Variants in TTN observed in about 807,000 individuals in gnomAD.
TTN encodes the protein titin, also known as connectin.
Under a neutral mutation model 3,223.0 loss-of-function variants are expected in TTN, and 1,525 were observed. That is an observed-to-expected ratio of 0.47 (90% CI 0.45 to 0.49). The LOEUF (loss-of-function observed/expected upper bound fraction) is 0.49. TTN is among the 20% of genes least tolerant of loss of function. The probability of loss-of-function intolerance (pLI) is 0.00; values close to 1 mark genes in which losing one functional copy is unlikely to be tolerated. For synonymous variants in TTN, 14,094 were observed against 15,161.0 expected (o/e 0.93, Z 5.17); for missense variants, 40,786 against 43,424.0 (o/e 0.94, Z 5.40).
At chr2:178,797,941 G>T (rs952197203) in intron 6 of TTN, among the ~76,000 whole-genome samples, 1 of 151,812 alleles carries the variant, frequency 6.6e-6, no homozygotes, top group African/African-American at 2.4e-5. Flanking sequence ...AGAGGCAGAG[G>T]TTTATGTTTG....
At chr2:178,767,215 A>G (rs2090613526) in intron 40 of TTN, among the ~76,000 whole-genome samples, 1 of 152,190 alleles carries the variant, frequency 6.6e-6, no homozygotes, top group African/African-American at 2.4e-5. Context: ...CCTCCATTAT[A>G]TCATTTGGGA....
At position 178,650,182 on chromosome 2, in the gene TTN, C is replaced by G. The variant is rs1319210094; in HGVS notation, c.39799G>C (p.Glu13267Gln). 6.3e-7 allele frequency: 1 copy of G among 1,586,146 alleles called. No individual in the cohort carries two copies. The highest frequency in any genetic ancestry group is 8.6e-7 in the Non-Finnish European group (1 of 1,164,574). ...TTTGTACCTGCTGGAGGTGGAACCT[C>G]TGGTTCCTCCTCTTCTGCAACAGGA... The part of the protein sequence containing the change: ...PVPVAEEEEP[E>Q]VPPPAVPEEP... The change falls in exon 210 of 363, where the codon GAG (glutamate) becomes CAG (glutamine). Residue 13267 changes from glutamate to glutamine, a missense_variant. Glu to Gln is a conservative substitution (Grantham distance 29). Transcript: ENST00000589042.
In TTN at chr2:178,533,907, G is replaced by T; in HGVS notation, c.102708C>A (p.Tyr34236Ter). Residue 34236 changes from tyrosine to a stop codon, truncating the protein, a stop_gained, in exon 358 of 363, where the codon TAC becomes TAA. Transcript: ENST00000589042. LOFTEE classifies it high-confidence loss of function. ...VKGVREVYDY[Y>*]CRRTMKKIKR... ...TAATTTTCTTCATGGTTCTACGGCA[G>T]TAATAGTCATAGACTTCTCTCACAC... 1 of 1,613,822 alleles carries T rather than the reference G, an allele frequency of 6.2e-7. No homozygotes were observed. Among genetic ancestry groups the T allele is most frequent in the South Asian group, 1.1e-5 (1 of 91,082 alleles).
chr2:178,748,286 C>A, intron 47 of TTN: 1 of 1,612,766 alleles, frequency 6.2e-7, no homozygotes, highest in South Asian at 1.1e-5. Flanking sequence ...CTGTACATGT[C>A]GGACTTCTTT....
rs1199487720 is a variant in TTN, at chr2:178,689,308, C to G, written c.31993G>C (p.Val10665Leu). ...ACAATACCTTTTGGTGGTGGTGGAA[C>G]TTCTTCCTCCTTCCGAGGAACAGGT... is the stretch of plus-strand genomic sequence containing the variant. ...RKPVPRKEEEVPPPPKVPALP... is the reference protein window; with the variant it reads ...RKPVPRKEEELPPPPKVPALP... The change falls in exon 124 of 363, where the codon GTT becomes CTT. Residue 10665 changes from valine to leucine, a missense_variant. Coordinates refer to ENST00000589042, the MANE Select transcript of TTN (RefSeq NM_001267550.2). 6.2e-7 allele frequency: 1 copy of G among 1,612,994 alleles called. No homozygotes were observed. Among genetic ancestry groups the G allele is most frequent in the Non-Finnish European group, 8.5e-7 (1 of 1,179,686 alleles).
Position 178,777,949 on chromosome 2 carries a change from C to T in TTN, c.4235G>A (p.Arg1412Lys). Reference sequence around the variant, plus strand: ...TGCAGGAGACATGCGTATAGGAGACCTGCTCACTGAACGTGGAGAGAGAGA... The same window carrying T: ...TGCAGGAGACATGCGTATAGGAGACTTGCTCACTGAACGTGGAGAGAGAGA... ...IRSLSPRSVS[R>K]SPIRMSPARM... is the part of the protein sequence containing the mutation. The change falls in exon 25 of 363, where the codon AGG (arginine) becomes AAG (lysine). Residue 1412 changes from arginine to lysine, a missense_variant. Physicochemically the swap from Arg to Lys is conservative, Grantham distance 26 (BLOSUM62 2). Transcript: ENST00000589042. 1 of 1,613,928 alleles carries T rather than the reference C, an allele frequency of 6.2e-7. No homozygotes were observed. Among genetic ancestry groups the T allele is most frequent in the Non-Finnish European group, 8.5e-7 (1 of 1,179,916 alleles).
chr2:178,698,439 T>G (rs1205076531), intron 112 of TTN, among the ~76,000 whole-genome samples: 1 of 152,232 alleles, frequency 6.6e-6, no homozygotes, highest in East Asian at 1.9e-4. Flanking sequence ...TGGCTTGATT[T>G]AATTATTCCA....
chr2:178,731,975 C>A lies in TTN; in HGVS notation c.16904-4G>T. 1 of 1,600,506 alleles carries A rather than the reference C, an allele frequency of 6.2e-7. No homozygotes were observed. On this transcript the variant is annotated splice_region_variant and splice_polypyrimidine_tract_variant and intron_variant, in intron 57 of 362. Coordinates refer to ENST00000589042, the MANE Select transcript of TTN (RefSeq NM_001267550.2). Reference sequence around the variant, plus strand: ...TCCTTGGTAAAATAAGGTGACTCTACAGTAAAAAAGGAATGATTTGCATTA... The same window carrying A: ...TCCTTGGTAAAATAAGGTGACTCTAAAGTAAAAAAGGAATGATTTGCATTA...
At chr2:178,556,658 C>T in intron 330 of TTN, 190 bp downstream of exon 330, 1 of 630,794 alleles carries the variant, frequency 1.6e-6, no homozygotes, top group Admixed American at 3.1e-5. Context: ...TCTCACTTTA[C>T]AGTCAAGTCA....
Position 178,730,379 on chromosome 2 carries a change from G to A in TTN, c.18029-8C>T. 2 of 1,564,176 alleles carry A rather than the reference G, an allele frequency of 1.3e-6. No individual in the cohort carries two copies. The highest frequency in any genetic ancestry group is 1.7e-6 in the Non-Finnish European group (2 of 1,157,978). ...CCACAAAGTAAGGGGGTTCTGAGGT[G>A]AAAGAAAAAACAAGCAAAAGAAAAT... On this transcript the variant is annotated splice_polypyrimidine_tract_variant and splice_region_variant and intron_variant, in intron 61 of 362. Transcript: ENST00000589042.
intron 42 of TTN, 86 bp from the exon 43 acceptor site, chr2:178,764,388 T>C (rs562223536): frequency 1.2e-6 from 2 of 1,612,182 alleles, no homozygotes; most frequent in South Asian, 2.2e-5. Context: ...TCTTAATTTA[T>C]TTCACTGCAG....
rs145308734 is a variant in TTN, at chr2:178,779,001, T to C, written c.4081A>G (p.Ile1361Val). ...ATATTGCTGGCAAATGCAGTGTAGA[T>C]TCCTTCATCTTCTGGAAGAACAACA... ...IPVVLPEDEGIYTAFASNIKG... is the reference protein window; with the variant it reads ...IPVVLPEDEGVYTAFASNIKG... Residue 1361 changes from isoleucine (I) to valine (V), a missense_variant, in exon 24 of 363, where the codon ATC (isoleucine) becomes GTC (valine). Physicochemically the swap from Ile to Val is conservative, Grantham distance 29. Coordinates refer to ENST00000589042, the MANE Select transcript of TTN (RefSeq NM_001267550.2). 2 of 1,613,978 alleles carry C rather than the reference T, an allele frequency of 1.2e-6. No individual in the cohort carries two copies. Among genetic ancestry groups the C allele is most frequent in the East Asian group, 2.2e-5 (1 of 44,846 alleles).
chr2:178,781,326 T>G, intron 20 of TTN, 63 bp from the exon 21 acceptor site: 1 of 1,588,974 alleles, frequency 6.3e-7, no homozygotes, highest in Non-Finnish European at 8.6e-7. Flanking sequence ...GGTAAAATAA[T>G]TGGACTTATC....
At position 178,764,599 on chromosome 2, in the gene TTN, C is replaced by G; in HGVS notation, c.9916G>C (p.Ala3306Pro). The G allele has an allele frequency of 6.2e-7, 1 of 1,614,140 alleles. No homozygotes were observed. Among genetic ancestry groups the G allele is most frequent in the Non-Finnish European group, 8.5e-7 (1 of 1,180,008 alleles). ...LLLIEAFPED[A>P]AVYTCEAKND... ...TTGGCTTCACAGGTATAGACTGCCG[C>G]ATCCTCTGGGAAGGCTTCAATTAGC... Residue 3306 changes from alanine to proline, a missense_variant, in exon 42 of 363, where the codon GCG becomes CCG. Transcript: ENST00000589042.
chr2:178,573,409 GACAA>G lies in TTN; in HGVS notation c.72719_72722del (p.Val24240AlafsTer40). 6.6e-7 allele frequency: 1 copy of G among 1,520,818 alleles called. No homozygotes were observed. Among genetic ancestry groups the G allele is most frequent in the Non-Finnish European group, 8.8e-7 (1 of 1,136,930 alleles). The allele number at this position is 1,520,818 out of a possible 1,614,324, so 94.2% of individuals were successfully genotyped here. A position where few individuals can be genotyped will look rare whatever the true frequency, so the allele number is the denominator to read the frequency against. ...CATCAGAATCAGGATGTCCCCAGCA[GACAA>G]CCATCGAATCTTTAGTAATAGTTGT... On this transcript the variant is annotated frameshift_variant, in exon 326 of 363. Transcript: ENST00000589042. LOFTEE classifies it high-confidence loss of function.
chr2:178,735,769 C>G lies in TTN; in HGVS notation c.14677G>C (p.Glu4893Gln). 6.2e-7 allele frequency: 1 copy of G among 1,613,760 alleles called. No homozygotes were observed. The highest frequency in any genetic ancestry group is 8.5e-7 in the Non-Finnish European group (1 of 1,179,796). The change falls in exon 50 of 363, where the codon GAA becomes CAA. Residue 4893 changes from glutamate (E) to glutamine (Q), a missense_variant. Coordinates refer to ENST00000589042, the MANE Select transcript of TTN (RefSeq NM_001267550.2). ...ATAGCGGACTGCACAGGCTCTAATTCTTTAATGAAATGTGGCTTATCAATG... is the reference window on the plus strand; with the variant it reads ...ATAGCGGACTGCACAGGCTCTAATTGTTTAATGAAATGTGGCTTATCAATG... ...IIIDKPHFIK[E>Q]LEPVQSAINK...
At position 178,671,165 on chromosome 2, in the gene TTN, C is replaced by T. The variant is rs373260447; in HGVS notation, c.35233G>A (p.Glu11745Lys). 6.9e-6 allele frequency: 11 copies of T among 1,596,726 alleles called. No homozygotes were observed. In the African/African-American group the frequency reaches 1.1e-4, roughly 16 times the overall value. The change falls in exon 156 of 363, where the codon GAG (glutamate) becomes AAG (lysine). Residue 11745 changes from glutamate (E) to lysine (K), a missense_variant. By Grantham distance (56) the Glu-to-Lys change is moderately conservative. Transcript: ENST00000589042. ...EKPKAPPKGP[E>K]ISEKIIPPKK... is the part of the protein sequence containing the mutation. ...GGAGGGATGATTTTCTCAGATATCTCAGGCCCTTCAAAGATATTAGTATTT... is the reference window on the plus strand; with the variant it reads ...GGAGGGATGATTTTCTCAGATATCTTAGGCCCTTCAAAGATATTAGTATTT...
In TTN at chr2:178,726,040, G is replaced by T; in HGVS notation, c.20282C>A (p.Pro6761His). The T allele has an allele frequency of 6.6e-7, 1 of 1,505,654 alleles. No individual in the cohort carries two copies. The highest frequency in any genetic ancestry group is 1.4e-5 in the South Asian group (1 of 72,392). 93.3% of individuals were successfully genotyped at this position (1,505,654 alleles called of 1,614,324 possible). ...CSTKVIVKEP[P>H]VFSSFPPIVE... is the part of the protein sequence containing the mutation. ...TATAGGAGGGAAGCTGCTAAAAACA[G>T]GTGGCTCTGCAAAAAACAAGAATTT... Residue 6761 changes from proline (P) to histidine (H), a missense_variant, in exon 70 of 363, where the codon CCT (proline) becomes CAT (histidine). Physicochemically the swap from Pro to His is moderately conservative, Grantham distance 77. Transcript: ENST00000589042.
In TTN at chr2:178,582,304, T is replaced by G; in HGVS notation, c.66152A>C (p.Asn22051Thr). The G allele has an allele frequency of 6.3e-7, 1 of 1,584,596 alleles. No homozygotes were observed. The highest frequency in any genetic ancestry group is 8.6e-7 in the Non-Finnish European group (1 of 1,168,732). ...CCGGGAAATGTTCCTACCATATGGG[T>G]TTTTGGCAATTGCTGGTTCAGTGAA... is the stretch of plus-strand genomic sequence containing the variant. Reference protein sequence around the residue: ...PVFTEPAIAKNPYDPPGRCDP... With the variant: ...PVFTEPAIAKTPYDPPGRCDP... The change falls in exon 314 of 363, where the codon AAC becomes ACC. Residue 22051 changes from asparagine (N) to threonine (T), a missense_variant. By Grantham distance (65) the Asn-to-Thr change is moderately conservative. Transcript: ENST00000589042.
Sources: gnomAD v4.1 joint callset for allele counts (sites outside exome capture counted in the v4.1 genomes callset) on GRCh38, gnomAD v4.1.1 for gene constraint, MANE v1.5 for transcripts, NCBI Gene and HGNC (gene_info 2026-07-23, HGNC 2026-07-21) for gene names.